The following REDIC1 variants were observed in gnomAD, a reference collection of about 807,000 sequenced individuals.
REDIC1 encodes the protein HEI10 Interacting Protein 1.
the REDIC1 span, among the ~76,000 whole-genome samples, chr12:39,713,886 TAC>T: frequency 8.7e-5 from 13 of 148,740 alleles, no homozygotes; most frequent in East Asian, 5.9e-4. Flanking sequence ...TTTACGTATA[TAC>T]ACTTATACGT....
At chr12:39,895,365 C>T in the REDIC1 span, among the ~76,000 whole-genome samples, 117 of 151,082 alleles carry the variant, frequency 7.7e-4, 1 homozygote, top group Middle Eastern at 6.9e-3. Flanking sequence ...TGGCAGGCAC[C>T]TGTAGTCCCA....
chr12:39,872,404 A>G, the REDIC1 span, among the ~76,000 whole-genome samples: 4 of 152,352 alleles, frequency 2.6e-5, no homozygotes, highest in Admixed American at 2.0e-4. Flanking sequence ...TATAGTGGTA[A>G]AAATCTGGGA....
At chr12:39,881,011 A>G in the REDIC1 span, among the ~76,000 whole-genome samples, 4 of 152,234 alleles carry the variant, frequency 2.6e-5, no homozygotes, top group Non-Finnish European at 4.4e-5. Context: ...AACAGGTTAC[A>G]TGTGATTGTT....
chr12:39,888,732 A>C, the REDIC1 span, among the ~76,000 whole-genome samples: 1 of 152,244 alleles, frequency 6.6e-6, no homozygotes. Context: ...TTGTCAACAC[A>C]GACAATCTTT....
chr12:39,712,466 AT>A, the REDIC1 span, among the ~76,000 whole-genome samples: 4 of 140,952 alleles, frequency 2.8e-5, no homozygotes, highest in African/African-American at 1.0e-4. Flanking sequence ...ATATATACGT[AT>A]GTATATATAC....
chr12:39,873,824 T>C, the REDIC1 span, among the ~76,000 whole-genome samples: 1 of 152,242 alleles, frequency 6.6e-6, no homozygotes, highest in Admixed American at 6.5e-5. Context: ...ACTTAAGTTA[T>C]AGAGTCAGAA....
the REDIC1 span, among the ~76,000 whole-genome samples, chr12:39,889,133 T>C: frequency 6.6e-6 from 1 of 152,152 alleles, no homozygotes; most frequent in Non-Finnish European, 1.5e-5. Flanking sequence ...AAATGTTGGC[T>C]CATATCATAT....
chr12:39,772,282 C>T, the REDIC1 span, among the ~76,000 whole-genome samples: 1 of 152,114 alleles, frequency 6.6e-6, no homozygotes, highest in Non-Finnish European at 1.5e-5. Flanking sequence ...CTTAACCTCT[C>T]TGTGTCTCAA....
chr12:39,880,458 A>G, the REDIC1 span, among the ~76,000 whole-genome samples: 1 of 152,226 alleles, frequency 6.6e-6, no homozygotes, highest in Non-Finnish European at 1.5e-5. Flanking sequence ...AAAAGTTAGA[A>G]AAGTAGAAAT....
the REDIC1 span, among the ~76,000 whole-genome samples, chr12:39,762,497 G>A: frequency 2.0e-5 from 3 of 149,868 alleles, no homozygotes; most frequent in Non-Finnish European, 4.5e-5. Flanking sequence ...ATGGCATATT[G>A]GTGATATAGC....
chr12:39,763,798 CAA>C, the REDIC1 span, among the ~76,000 whole-genome samples: 5 of 152,048 alleles, frequency 3.3e-5, no homozygotes, highest in South Asian at 2.1e-4. Flanking sequence ...TTCTAAAAAG[CAA>C]AGTCTTTTCC....
the REDIC1 span, among the ~76,000 whole-genome samples, chr12:39,824,487 T>C: frequency 7.2e-5 from 11 of 152,200 alleles, no homozygotes; most frequent in Non-Finnish European, 4.4e-5. Flanking sequence ...TTCTTATACC[T>C]GTGTTCAATC....
the REDIC1 span, among the ~76,000 whole-genome samples, chr12:39,697,436 G>A: frequency 7.2e-5 from 11 of 152,128 alleles, no homozygotes; most frequent in Non-Finnish European, 1.5e-4. Flanking sequence ...AAAACTCACT[G>A]ATAATAATAA....
At chr12:39,797,800 G>A in the REDIC1 span, among the ~76,000 whole-genome samples, 2 of 149,956 alleles carry the variant, frequency 1.3e-5, no homozygotes, top group Admixed American at 6.6e-5. Flanking sequence ...ACTGAAAACC[G>A]GTCGTAATTC....
the REDIC1 span, among the ~76,000 whole-genome samples, chr12:39,664,852 C>G: frequency 6.6e-6 from 1 of 152,094 alleles, no homozygotes; most frequent in Non-Finnish European, 1.5e-5. Context: ...TTTCATGTGT[C>G]TGTTGGCTGC....
the REDIC1 span, among the ~76,000 whole-genome samples, chr12:39,669,625 TG>T: frequency 6.6e-6 from 1 of 152,236 alleles, no homozygotes; most frequent in East Asian, 1.9e-4. Flanking sequence ...TGCTGCCTTT[TG>T]TTTGTCTATG....
At chr12:39,712,686 TATAC>T in the REDIC1 span, among the ~76,000 whole-genome samples, 2 of 143,016 alleles carry the variant, frequency 1.4e-5, no homozygotes, top group African/African-American at 2.5e-5. Context: ...TATATGTATA[TATAC>T]GTATACGTGT....
At chr12:39,806,130 AGAGCTTCC>A in the REDIC1 span, among the ~76,000 whole-genome samples, 1 of 152,232 alleles carries the variant, frequency 6.6e-6, no homozygotes, top group South Asian at 2.1e-4. Flanking sequence ...AAGTTTCACA[AGAGCTTCC>A]GAGAACACGA....
chr12:39,677,322 A>T, the REDIC1 span, among the ~76,000 whole-genome samples: 1 of 152,164 alleles, frequency 6.6e-6, no homozygotes, highest in Admixed American at 6.5e-5. Context: ...CAGACTTTAA[A>T]GCAAAAACAG....
Sources: gnomAD v4.1 joint callset for allele counts (sites outside exome capture counted in the v4.1 genomes callset) on GRCh38, gnomAD v4.1.1 for gene constraint, MANE v1.5 for transcripts, NCBI Gene and HGNC (gene_info 2026-07-23, HGNC 2026-07-21) for gene names.